NEBL: variants seen among roughly 807,000 people sequenced by gnomAD.
The protein encoded by NEBL is nebulette, also known as LIM and SH3 protein 2.
Under a neutral mutation model 140.2 loss-of-function variants are expected in NEBL, and 122 were observed. The observed-to-expected ratio is 0.87, with a 90% CI of 0.75 to 1.01. The LOEUF (loss-of-function observed/expected upper bound fraction) is 1.01. Ranked by LOEUF, NEBL falls within the 50% of genes least tolerant of loss-of-function variation. The pLI is 0.00. For synonymous variants in NEBL, 436 were observed against 398.9 expected, an observed-to-expected ratio of 1.09 and a Z score of -1.11; for missense variants, 1,365 against 1,231.3, an observed-to-expected ratio of 1.11 and a Z score of -1.62.
intron 1 of NEBL, among the ~76,000 whole-genome samples, chr10:21,288,614 A>G (rs1254475459): frequency 6.7e-6 from 1 of 150,334 alleles, no homozygotes; most frequent in African/African-American, 2.4e-5. Context: ...TACAAAAATT[A>G]GCCGGGCCTG....
intron 2 of NEBL, among the ~76,000 whole-genome samples, chr10:21,169,884 G>A (rs1030337417): frequency 2.6e-5 from 4 of 152,190 alleles, no homozygotes; most frequent in Admixed American, 6.5e-5. Context: ...ATACAGGTAT[G>A]TTGAGAGTAT....
chr10:21,186,246 T>G (rs1430386686), intron 3 of NEBL, among the ~76,000 whole-genome samples: 1 of 142,568 alleles, frequency 7.0e-6, no homozygotes, highest in Non-Finnish European at 1.5e-5. Context: ...TAAAAAATTT[T>G]TATATATACA....
At chr10:20,833,565 T>C (rs1840614280) in intron 14 of NEBL, among the ~76,000 whole-genome samples, 1 of 152,080 alleles carries the variant, frequency 6.6e-6, no homozygotes, top group Non-Finnish European at 1.5e-5. Context: ...TGAATCAATT[T>C]ACACTGGATG....
chr10:21,067,499 G>A (rs1835619306), intron 2 of NEBL, among the ~76,000 whole-genome samples: 1 of 151,976 alleles, frequency 6.6e-6, no homozygotes, highest in Admixed American at 6.6e-5. Context: ...GAACAAGAAG[G>A]GAACAAGTAA....
intron 4 of NEBL, among the ~76,000 whole-genome samples, chr10:20,904,039 C>A (rs949406612): frequency 2.0e-5 from 2 of 99,098 alleles, no homozygotes; most frequent in African/African-American, 3.0e-5. Flanking sequence ...GATGTCATAG[C>A]AAGAGAACAA....
At chr10:20,916,257 G>A (rs566983673) in intron 4 of NEBL, among the ~76,000 whole-genome samples, 24 of 152,264 alleles carry the variant, frequency 1.6e-4, no homozygotes, top group African/African-American at 5.5e-4. Flanking sequence ...AACTATACCT[G>A]AGAAACTGCA....
intron 5 of NEBL, among the ~76,000 whole-genome samples, chr10:20,874,981 C>T (rs1333826724): frequency 1.3e-5 from 2 of 152,128 alleles, no homozygotes; most frequent in Non-Finnish European, 1.5e-5. Context: ...TCAAGTGATC[C>T]TCTCACCTTG....
chr10:20,852,952 C>T (rs189920796), intron 9 of NEBL, among the ~76,000 whole-genome samples: 2 of 152,270 alleles, frequency 1.3e-5, no homozygotes, highest in Admixed American at 1.3e-4. Flanking sequence ...AGCGCTAGGA[C>T]ATGCGGAAAA....
chr10:21,225,024 G>C (rs1283318898), intron 3 of NEBL, among the ~76,000 whole-genome samples: 1 of 151,822 alleles, frequency 6.6e-6, no homozygotes, highest in African/African-American at 2.4e-5. Context: ...CTCTAGCTAG[G>C]ACTCTAGTAC....
intron 5 of NEBL, among the ~76,000 whole-genome samples, chr10:20,878,813 G>C (rs1262437308): frequency 6.6e-6 from 1 of 152,208 alleles, no homozygotes; most frequent in Non-Finnish European, 1.5e-5. Context: ...GAATGAAGGA[G>C]AAAAGGGCTT....
At chr10:21,114,902 G>A (rs1170732931) in intron 2 of NEBL, among the ~76,000 whole-genome samples, 1 of 151,508 alleles carries the variant, frequency 6.6e-6, no homozygotes, top group Non-Finnish European at 1.5e-5. Context: ...ATTTAATGTG[G>A]CTATTAAAAT....
At chr10:21,018,952 G>T (rs895224919) in intron 3 of NEBL, among the ~76,000 whole-genome samples, 1 of 152,144 alleles carries the variant, frequency 6.6e-6, no homozygotes, top group African/African-American at 2.4e-5. Flanking sequence ...GCGTGAAGCC[G>T]GGAGGCAGAG....
At chr10:20,807,981 TA>T (rs142094437) in intron 26 of NEBL, among the ~76,000 whole-genome samples, 6,190 of 139,524 alleles carry the variant, frequency 0.044, 325 homozygotes, top group African/African-American at 0.14. Flanking sequence ...ATTTCTCATT[TA>T]AAAAAAAAAA....
rs138895473 is a variant in NEBL at position 21,110,055 on chromosome 10, G to A, written c.164+62328C>T. Among the ~76,000 whole-genome samples, 704 of 152,126 alleles carry A rather than the reference G, an allele frequency of 4.6e-3. 5 individuals are homozygous for A. The highest frequency in any genetic ancestry group is 0.016 in the African/African-American group (670 of 41,524). On this transcript the variant is annotated intron_variant, in intron 2 of 6. Transcript: ENST00000417816. ...TCTTGTCTTCTGCTAGCTTTTGAATGTGTCTGCTCCTGCTTCTCTAGTTCT... is the reference window on the plus strand; with the variant it reads ...TCTTGTCTTCTGCTAGCTTTTGAATATGTCTGCTCCTGCTTCTCTAGTTCT...
At chr10:20,897,402 A>AC, upstream of NEBL, 2 of 1,360,328 alleles carry the variant, frequency 1.5e-6, no homozygotes, top group Non-Finnish European at 1.9e-6. Context: ...CCAGAGGTCT[A>AC]CCAGGCTGGC....
chr10:20,873,901 T>G (rs574376744), intron 5 of NEBL, among the ~76,000 whole-genome samples: 1 of 152,278 alleles, frequency 6.6e-6, no homozygotes, highest in African/African-American at 2.4e-5. Flanking sequence ...TTCGAATATT[T>G]TATTATAACT....
At chr10:20,991,727 G>A (rs548258768) in intron 3 of NEBL, among the ~76,000 whole-genome samples, 21 of 151,730 alleles carry the variant, frequency 1.4e-4, no homozygotes, top group African/African-American at 5.1e-4. Context: ...AGTGAACATA[G>A]TACCCAATAC....
chr10:20,795,013 A>T (rs1836372093), intron 26 of NEBL, among the ~76,000 whole-genome samples: 1 of 152,236 alleles, frequency 6.6e-6, no homozygotes. Flanking sequence ...AATGCCAAAA[A>T]TCTGACTTCA....
At chr10:20,977,635 T>C (rs984214717) in intron 3 of NEBL, among the ~76,000 whole-genome samples, 1 of 152,134 alleles carries the variant, frequency 6.6e-6, no homozygotes, top group African/African-American at 2.4e-5. Flanking sequence ...CAAATCCTTC[T>C]GCCAGAGATT....
Sources: gnomAD v4.1 joint callset for allele counts (sites outside exome capture counted in the v4.1 genomes callset) on GRCh38, gnomAD v4.1.1 for gene constraint, MANE v1.5 for transcripts, NCBI Gene and HGNC (gene_info 2026-07-23, HGNC 2026-07-21) for gene names.